The following RGS7BP variants were observed in gnomAD, a reference collection of about 807,000 sequenced individuals.
RGS7BP encodes regulator of G protein signaling 7 binding protein.
Under a neutral mutation model 31.3 loss-of-function variants are expected in RGS7BP, and 9 were observed. The ratio of observed to expected loss-of-function variants is 0.29; its 90% CI spans 0.17 to 0.50. RGS7BP has a LOEUF of 0.50. Ranked by LOEUF, RGS7BP falls within the 20% of genes least tolerant of loss-of-function variation. The probability of loss-of-function intolerance (pLI) is 0.98; values close to 1 mark genes in which losing one functional copy is unlikely to be tolerated. For missense variants in RGS7BP, 274 were observed against 322.0 expected, an observed-to-expected ratio of 0.85 and a Z score of 1.14; for synonymous variants, 115 against 120.1, an observed-to-expected ratio of 0.96 and a Z score of 0.28.
intron 2 of RGS7BP, among the ~76,000 whole-genome samples, chr5:64,565,440 A>G (rs1478548182): frequency 6.6e-6 from 1 of 152,150 alleles, no homozygotes; most frequent in African/African-American, 2.4e-5. Flanking sequence ...TCTGGCATAA[A>G]TCATCTTTTC....
Position 64,609,171 on chromosome 5 carries a change from C to A in RGS7BP, c.693C>A (p.Ser231Arg). Residue 231 changes from serine (S) to arginine (R), a missense_variant, in exon 6 of 6, where the codon AGC becomes AGA. By Grantham distance (110) the Ser-to-Arg change is moderately radical (BLOSUM62 -1). This residue lies in a region of RGS7BP where 112 missense variants were observed against 130.9 expected (regional missense o/e 0.86). Transcript: ENST00000334025. The stretch of plus-strand genomic sequence containing the variant: ...TATGTCCCATCACAGATGACAGCAG[C>A]CTTCTGAATCTAACTCCCTACCCCC... ...PLPLKNQDDS[S>R]LLNLTPYPLV... 6.2e-7 allele frequency: 1 copy of A among 1,606,768 alleles called. No individual in the cohort carries two copies. The highest frequency in any genetic ancestry group is 2.2e-5 in the East Asian group (1 of 44,788).
At chr5:64,602,192 A>G (rs1003733661) in intron 5 of RGS7BP, among the ~76,000 whole-genome samples, 1 of 152,210 alleles carries the variant, frequency 6.6e-6, no homozygotes, top group Non-Finnish European at 1.5e-5. Context: ...ATCTGGCTGA[A>G]GAACACTGGG....
intron 2 of RGS7BP, among the ~76,000 whole-genome samples, chr5:64,568,517 T>A (rs1336498413): frequency 2.0e-5 from 3 of 152,158 alleles, no homozygotes; most frequent in Admixed American, 2.0e-4. Flanking sequence ...CCAATAAGCA[T>A]GAGTTCTTGG....
At chr5:64,600,357 C>T (rs1743186476) in intron 5 of RGS7BP, among the ~76,000 whole-genome samples, 1 of 152,106 alleles carries the variant, frequency 6.6e-6, no homozygotes, top group Admixed American at 6.5e-5. Flanking sequence ...ATCATTCATC[C>T]AGCAGTTTTT....
chr5:64,570,354 C>A (rs1742275707), intron 2 of RGS7BP, among the ~76,000 whole-genome samples: 1 of 152,114 alleles, frequency 6.6e-6, no homozygotes, highest in Admixed American at 6.6e-5. Flanking sequence ...AATTTTACAG[C>A]TGAGGAAACT....
rs1205408911 is a variant in RGS7BP at position 64,598,368 on chromosome 5, C to T, written c.615C>T (p.Asp205=). The change falls in exon 5 of 6, where the codon GAC becomes GAT. Residue 205 remains aspartate (D), a synonymous_variant. Transcript: ENST00000334025. ...VSTDIENTER[D]MREMKNLLSK... ...TGTCTTTTTATCAATTTTACAGAGA[C>T]ATGAGAGAAATGAAAAACCTTTTAA... 6.4e-7 allele frequency: 1 copy of T among 1,561,546 alleles called. No individual in the cohort carries two copies. The highest frequency in any genetic ancestry group is 1.4e-5 in the African/African-American group (1 of 73,938).
intron 2 of RGS7BP, 25 bp from the exon 3 acceptor site, chr5:64,575,749 G>A (rs769252288): frequency 6.3e-7 from 1 of 1,593,800 alleles, no homozygotes; most frequent in Non-Finnish European, 8.5e-7. Context: ...AATGTTCACA[G>A]CTTTTCTCTT....
chr5:64,537,443 A>G (rs1741406167), intron 2 of RGS7BP, among the ~76,000 whole-genome samples: 2 of 152,146 alleles, frequency 1.3e-5, no homozygotes, highest in African/African-American at 4.8e-5. Context: ...CTCAATTTAA[A>G]ATAAGTTTAA....
intron 2 of RGS7BP, among the ~76,000 whole-genome samples, chr5:64,525,451 A>T (rs1413775720): frequency 6.6e-6 from 1 of 152,216 alleles, no homozygotes; most frequent in Non-Finnish European, 1.5e-5. Flanking sequence ...TTGGAGAATG[A>T]GAGGCTCCCA....
intron 2 of RGS7BP, among the ~76,000 whole-genome samples, chr5:64,527,448 T>C (rs1749258057): frequency 6.6e-6 from 1 of 152,064 alleles, no homozygotes; most frequent in Non-Finnish European, 1.5e-5. Context: ...GAGGCGAGGA[T>C]TGATAATCAG....
intron 2 of RGS7BP, among the ~76,000 whole-genome samples, chr5:64,523,733 A>G (rs1580394339): frequency 6.6e-6 from 1 of 152,232 alleles, no homozygotes; most frequent in East Asian, 1.9e-4. Context: ...ATTAATGAAG[A>G]CCAAATCTTT....
intron 2 of RGS7BP, among the ~76,000 whole-genome samples, chr5:64,547,200 T>C (rs574154500): frequency 2.9e-4 from 44 of 152,366 alleles, no homozygotes; most frequent in South Asian, 2.1e-3. Context: ...ATGAATATTC[T>C]TGTATATATC....
intron 3 of RGS7BP, 42 bp downstream of exon 3, chr5:64,575,946 AAC>A (rs1742410347): frequency 6.3e-7 from 1 of 1,582,536 alleles, no homozygotes; most frequent in Non-Finnish European, 8.6e-7. Context: ...AGGAATGTTG[AAC>A]AAAAGCTAAT....
Position 64,553,243 on chromosome 5 carries a change from G to T in RGS7BP, c.333-22531G>T, listed in dbSNP as rs1020486436. ...GCTGGAGTGCAGTGGCATGATCTTGGCTCACTGCAACCTCTGTCTCTCAGG... is the reference window on the plus strand; with the variant it reads ...GCTGGAGTGCAGTGGCATGATCTTGTCTCACTGCAACCTCTGTCTCTCAGG... On this transcript the variant is annotated intron_variant, in intron 2 of 5. Coordinates refer to ENST00000334025, the MANE Select transcript of RGS7BP (RefSeq NM_001029875.3). Among the ~76,000 whole-genome samples the T allele has an allele frequency of 2.1e-5, 3 of 145,126 alleles. No individual in the cohort carries two copies. The Admixed American group carries it at 2.2e-4, about 10-fold the overall frequency.
chr5:64,575,200 A>G (rs1428875464), intron 2 of RGS7BP, among the ~76,000 whole-genome samples: 1 of 152,130 alleles, frequency 6.6e-6, no homozygotes, highest in African/African-American at 2.4e-5. Flanking sequence ...GAATTTTATT[A>G]CTTTTTTCCA....
At chr5:64,530,637 G>T (rs1749346165) in intron 2 of RGS7BP, among the ~76,000 whole-genome samples, 1 of 152,150 alleles carries the variant, frequency 6.6e-6, no homozygotes, top group Admixed American at 6.5e-5. Flanking sequence ...ATGTCTAAAT[G>T]TGGTTCAAGT....
Position 64,525,919 on chromosome 5 carries a change from A to C in RGS7BP, c.332+18042A>C, listed in dbSNP as rs1190475463. ...TATACAGACCTGAAGCATCCAGATCACAGGAAGGACAGCAGGAAGCCCCCA... is the reference window on the plus strand; with the variant it reads ...TATACAGACCTGAAGCATCCAGATCCCAGGAAGGACAGCAGGAAGCCCCCA... On this transcript the variant is annotated intron_variant, in intron 2 of 5. Transcript: ENST00000334025. Among the ~76,000 whole-genome samples the C allele has an allele frequency of 6.6e-5, 10 of 152,324 alleles. No homozygotes were observed. The East Asian group carries it at 1.9e-3, about 29-fold the overall frequency.
At chr5:64,574,292 C>G (rs1310583780) in intron 2 of RGS7BP, among the ~76,000 whole-genome samples, 3 of 150,864 alleles carry the variant, frequency 2.0e-5, no homozygotes, top group Non-Finnish European at 4.4e-5. Context: ...GTGTGTGTGT[C>G]TGGGTGTATG....
intron 2 of RGS7BP, among the ~76,000 whole-genome samples, chr5:64,572,058 C>G (rs1742312394): frequency 6.6e-6 from 1 of 152,104 alleles, no homozygotes; most frequent in African/African-American, 2.4e-5. Context: ...GACCTAAACT[C>G]TGATTAATTA....
Sources: gnomAD v4.1 joint callset for allele counts (sites outside exome capture counted in the v4.1 genomes callset) on GRCh38, gnomAD v4.1.1 for gene constraint, gnomAD v4.1.1 regional missense constraint, MANE v1.5 for transcripts, NCBI Gene and HGNC (gene_info 2026-07-23, HGNC 2026-07-21) for gene names.